The following ASXL2 variants were observed in gnomAD, a reference collection of about 807,000 sequenced individuals.
ASXL2 encodes the protein putative Polycomb group protein ASXL2.
A neutral mutation model predicts 122.0 loss-of-function variants in ASXL2; 23 were observed. The ratio of observed to expected loss-of-function variants is 0.19; its 90% CI spans 0.14 to 0.27. The LOEUF (loss-of-function observed/expected upper bound fraction) is 0.27, where lower values mean the gene tolerates loss of function less well. Ranked by LOEUF, ASXL2 falls within the 10% of genes least tolerant of loss-of-function variation. ASXL2 has a pLI of 1.00. For missense variants in ASXL2, 1,518 were observed against 1,713.8 expected, an observed-to-expected ratio of 0.89 and a Z score of 2.02; for synonymous variants, 650 against 637.0, an observed-to-expected ratio of 1.02 and a Z score of -0.31.
At chr2:25,783,794 G>A (rs895089977) in intron 5 of ASXL2, among the ~76,000 whole-genome samples, 1 of 150,340 alleles carries the variant, frequency 6.7e-6, no homozygotes, top group Non-Finnish European at 1.5e-5. Context: ...GGTGGCTCAC[G>A]ACTGTAATGC....
intron 3 of ASXL2, among the ~76,000 whole-genome samples, chr2:25,828,515 A>AAG (rs1225105574): frequency 6.8e-6 from 1 of 147,996 alleles, no homozygotes; most frequent in Non-Finnish European, 1.5e-5. Context: ...TTTCAAAAAA[A>AAG]AAAAATAAAA....
At chr2:25,801,770 T>C (rs1393428893) in intron 4 of ASXL2, among the ~76,000 whole-genome samples, 1 of 152,188 alleles carries the variant, frequency 6.6e-6, no homozygotes, top group Non-Finnish European at 1.5e-5. Context: ...TTTACTAGTC[T>C]CTTAATTCAG....
chr2:25,832,537 C>T (rs1189785742), intron 3 of ASXL2, among the ~76,000 whole-genome samples: 1 of 151,224 alleles, frequency 6.6e-6, no homozygotes, highest in Non-Finnish European at 1.5e-5. Context: ...GGTGTAAACA[C>T]ACAAATTAAA....
intron 6 of ASXL2, among the ~76,000 whole-genome samples, chr2:25,770,947 G>T (rs2088439934): frequency 6.6e-6 from 1 of 151,074 alleles, no homozygotes. Flanking sequence ...GATAAAAAGA[G>T]TATCTACCGG....
intron 1 of ASXL2, among the ~76,000 whole-genome samples, chr2:25,873,523 AAT>A (rs1354708482): frequency 6.6e-6 from 1 of 152,180 alleles, no homozygotes; most frequent in African/African-American, 2.4e-5. Flanking sequence ...AAAGATGATT[AAT>A]ATGTGATGAC....
chr2:25,734,517 TATG>T lies in ASXL2; in HGVS notation c.*7509_*7511del, dbSNP rs2087702907. 6.6e-6 allele frequency: 1 copy of T among 152,224 alleles called. No individual in the cohort carries two copies. Among genetic ancestry groups the T allele is most frequent in the African/African-American group, 2.4e-5 (1 of 41,458 alleles). The allele number at this position is 152,224 out of a possible 1,614,324, so 9.4% of individuals were successfully genotyped here. A position where few individuals can be genotyped will look rare whatever the true frequency, so the allele number is the denominator to read the frequency against. ...TTTTAAAAGAATGTAAAATTTTATG[TATG>T]ATACTTTCCATAGGAAAGACATAAG... On this transcript the variant is annotated 3_prime_UTR_variant, in exon 13 of 13. Coordinates refer to ENST00000435504, the MANE Select transcript of ASXL2 (RefSeq NM_018263.6).
At chr2:25,864,466 A>C (rs1315252713) in intron 1 of ASXL2, among the ~76,000 whole-genome samples, 1 of 152,172 alleles carries the variant, frequency 6.6e-6, no homozygotes, top group Admixed American at 6.5e-5. Flanking sequence ...TCAAAAATCC[A>C]TTAAGACTTT....
intron 1 of ASXL2, among the ~76,000 whole-genome samples, chr2:25,864,818 TATTTACA>T (rs902453312): frequency 1.3e-5 from 2 of 151,806 alleles, no homozygotes; most frequent in African/African-American, 4.8e-5. Context: ...AAATAAAACA[TATTTACA>T]ATTTACAATT....
chr2:25,762,778 T>C (rs1445101281), intron 8 of ASXL2, among the ~76,000 whole-genome samples: 2 of 128,556 alleles, frequency 1.6e-5, no homozygotes, highest in Non-Finnish European at 1.7e-5. Context: ...TAAATGTAAA[T>C]AAATAAAACT....
chr2:25,832,101 A>C (rs1298509773), intron 3 of ASXL2, among the ~76,000 whole-genome samples: 1 of 152,242 alleles, frequency 6.6e-6, no homozygotes, highest in Non-Finnish European at 1.5e-5. Context: ...ATGATAAAAG[A>C]AGCAATCCTG....
intron 3 of ASXL2, among the ~76,000 whole-genome samples, chr2:25,832,004 A>C (rs2089459420): frequency 6.6e-6 from 1 of 152,264 alleles, no homozygotes; most frequent in African/African-American, 2.4e-5. Context: ...AAACAGCTTC[A>C]GACTAAGTAA....
intron 9 of ASXL2, among the ~76,000 whole-genome samples, chr2:25,757,953 T>C (rs1380286769): frequency 6.8e-6 from 1 of 147,284 alleles, no homozygotes; most frequent in Non-Finnish European, 1.5e-5. Context: ...ATGAGAGCAA[T>C]CTCCAAGAGG....
chr2:25,845,433 C>T (rs1443817945), intron 2 of ASXL2, 48 bp downstream of exon 2: 14 of 1,357,444 alleles, frequency 1.0e-5, no homozygotes, highest in Non-Finnish European at 1.4e-5. Flanking sequence ...CTACCAAATA[C>T]TCTGATCAAG....
At chr2:25,767,532 T>C (rs2088372254) in intron 8 of ASXL2, 51 bp downstream of exon 8, 2 of 1,578,106 alleles carry the variant, frequency 1.3e-6, no homozygotes, top group Non-Finnish European at 1.7e-6. Context: ...TTCAAACATG[T>C]AGCTGATAAA....
rs1308278383 is a variant in ASXL2, at chr2:25,739,092, T to C, written c.*2937A>G. 6.6e-6 allele frequency: 1 copy of C among 152,208 alleles called. No individual in the cohort carries two copies. The highest frequency in any genetic ancestry group is 1.9e-4 in the East Asian group (1 of 5,198). 9.4% of individuals were successfully genotyped at this position (152,208 alleles called of 1,614,324 possible). A position where few individuals can be genotyped will look rare whatever the true frequency, so the allele number is the denominator to read the frequency against. On this transcript the variant is annotated 3_prime_UTR_variant, in exon 13 of 13. Transcript: ENST00000435504. ...CTGAGACTATATTATTGATGCTATCTCCTGGGGTGACCTGCAGTGGAGGAC... is the reference window on the plus strand; with the variant it reads ...CTGAGACTATATTATTGATGCTATCCCCTGGGGTGACCTGCAGTGGAGGAC...
intron 5 of ASXL2, among the ~76,000 whole-genome samples, chr2:25,779,084 A>ATTTTTTTTTTTTTT (rs33911748): frequency 3.0e-5 from 3 of 99,412 alleles, no homozygotes; most frequent in Non-Finnish European, 5.9e-5. Flanking sequence ...CTTTTTTCTG[A>ATTTTTTTTTTTTTT]TTTTTTTTTT....
At chr2:25,875,770 G>A (rs559738062) in intron 1 of ASXL2, among the ~76,000 whole-genome samples, 1 of 152,100 alleles carries the variant, frequency 6.6e-6, no homozygotes, top group African/African-American at 2.4e-5. Context: ...ACTGTTCCTC[G>A]AACACTTGAC....
chr2:25,806,402 T>TGTTA, intron 3 of ASXL2, 65 bp from the exon 4 acceptor site: 1 of 1,060,964 alleles, frequency 9.4e-7, no homozygotes, highest in East Asian at 2.6e-5. Context: ...GAATATCCTA[T>TGTTA]GTAACACTCA....
chr2:25,777,808 C>T (rs1401279610), intron 5 of ASXL2, among the ~76,000 whole-genome samples: 3 of 152,104 alleles, frequency 2.0e-5, no homozygotes, highest in Non-Finnish European at 4.4e-5. Flanking sequence ...AGTTTTCTTT[C>T]TACTCCTACC....
Sources: allele counts gnomAD v4.1 joint callset (sites outside exome capture counted in the v4.1 genomes callset), GRCh38; gene constraint gnomAD v4.1.1; transcripts MANE v1.5; gene names NCBI Gene and HGNC (gene_info 2026-07-23, HGNC 2026-07-21).